The following EXOC4 variants were observed in gnomAD, a reference collection of about 807,000 sequenced individuals.
EXOC4 encodes SEC8-like 1.
EXOC4 carries 71 observed loss-of-function variants against 107.2 expected under a neutral mutation model. The ratio of observed to expected loss-of-function variants is 0.66; its 90% CI spans 0.55 to 0.81. The LOEUF is 0.81. EXOC4 is among the 30% of genes least tolerant of loss of function. The probability of loss-of-function intolerance (pLI) is 0.00; values close to 1 mark genes in which losing one functional copy is unlikely to be tolerated. For synonymous variants in EXOC4, 456 were observed against 441.2 expected, an observed-to-expected ratio of 1.03 and a Z score of -0.42; for missense variants, 1,108 against 1,189.6, an observed-to-expected ratio of 0.93 and a Z score of 1.01.
rs547801408 is a variant in EXOC4, at chr7:133,571,750, C to G, written c.1418-58295C>G. 3.3e-4 allele frequency among the ~76,000 whole-genome samples: 50 copies of G among 151,852 alleles called. No individual in the cohort carries two copies. In the Middle Eastern group the frequency reaches 0.017, roughly 52 times the overall value. Reference sequence around the variant, plus strand: ...GGAAAGTCTGAGACCAAGGTGCTGACAGGTTTGGCTGTTTGGCTGTCTGGT... The same window carrying G: ...GGAAAGTCTGAGACCAAGGTGCTGAGAGGTTTGGCTGTTTGGCTGTCTGGT... On this transcript the variant is annotated intron_variant, in intron 9 of 17. Transcript: ENST00000253861.
chr7:133,734,725 C>T (rs1196225484), intron 10 of EXOC4, among the ~76,000 whole-genome samples: 1 of 151,846 alleles, frequency 6.6e-6, no homozygotes, highest in East Asian at 1.9e-4. Flanking sequence ...TCTTGGATTT[C>T]TGGATTAGAT....
chr7:133,255,257 A>G (rs2150496962), intron 1 of EXOC4, among the ~76,000 whole-genome samples: 1 of 151,604 alleles, frequency 6.6e-6, no homozygotes, highest in African/African-American at 2.4e-5. Flanking sequence ...GCTCACTGCA[A>G]CCTCCGCCTC....
intron 10 of EXOC4, among the ~76,000 whole-genome samples, chr7:133,770,132 T>A (rs1585133007): frequency 1.3e-5 from 2 of 152,076 alleles, no homozygotes; most frequent in East Asian, 3.9e-4. Context: ...TCATAATCAT[T>A]TTATAATCAT....
chr7:134,048,177 A>G (rs1795699257), intron 17 of EXOC4, among the ~76,000 whole-genome samples: 1 of 152,208 alleles, frequency 6.6e-6, no homozygotes, highest in Admixed American at 6.5e-5. Flanking sequence ...TCTGCAAAGT[A>G]TCTTAAGCAC....
At position 133,545,936 on chromosome 7, in the gene EXOC4, C is replaced by T. The variant is rs11976669; in HGVS notation, c.1417+65798C>T. ...TTGGGGTTTCCAGTGCCTTGACATT[C>T]GGGTTACTATTTCCTGCTGCTTCAG... is the stretch of plus-strand genomic sequence containing the variant. On this transcript the variant is annotated intron_variant, in intron 9 of 17. Transcript: ENST00000253861. 2.8e-3 allele frequency among the ~76,000 whole-genome samples: 433 copies of T among 152,232 alleles called. 2 individuals carry two copies. The highest frequency in any genetic ancestry group is 9.2e-3 in the African/African-American group (382 of 41,558).
intron 7 of EXOC4, among the ~76,000 whole-genome samples, chr7:133,457,625 T>C (rs1212886057): frequency 6.6e-6 from 1 of 152,206 alleles, no homozygotes; most frequent in East Asian, 1.9e-4. Flanking sequence ...ACCTTTCTCC[T>C]TAGAGTTGGT....
intron 14 of EXOC4, among the ~76,000 whole-genome samples, chr7:133,961,280 C>CTTTTTTTTTTTTTTTT (rs34400471): frequency 1.3e-5 from 1 of 77,010 alleles, no homozygotes; most frequent in Non-Finnish European, 2.2e-5. Context: ...TCATGTCAAA[C>CTTTTTTTTTTTTTTTT]TTTTTTTTTT....
At chr7:134,080,409 G>A in the EXOC4 span, among the ~76,000 whole-genome samples, 3 of 135,780 alleles carry the variant, frequency 2.2e-5, no homozygotes, top group African/African-American at 6.5e-5. Context: ...ATATTAATAA[G>A]TTTGTTGTTG....
At chr7:133,857,128 A>G (rs1466016670) in intron 11 of EXOC4, among the ~76,000 whole-genome samples, 2 of 86,048 alleles carry the variant, frequency 2.3e-5, no homozygotes, top group African/African-American at 5.1e-5. Context: ...ATATATATGT[A>G]TATATATATA....
intron 11 of EXOC4, among the ~76,000 whole-genome samples, chr7:133,844,609 C>T (rs977288978): frequency 6.6e-6 from 1 of 151,744 alleles, no homozygotes; most frequent in Admixed American, 6.6e-5. Flanking sequence ...AGGATGGTCT[C>T]GATCTCTTGA....
intron 10 of EXOC4, among the ~76,000 whole-genome samples, chr7:133,771,736 C>T (rs541145367): frequency 2.8e-4 from 42 of 151,948 alleles, no homozygotes; most frequent in Non-Finnish European, 5.3e-4. Context: ...TTGAGATTGC[C>T]TCGGCAGAAG....
chr7:134,012,835 A>G (rs879586529), intron 17 of EXOC4, among the ~76,000 whole-genome samples: 2 of 152,206 alleles, frequency 1.3e-5, no homozygotes, highest in Non-Finnish European at 2.9e-5. Flanking sequence ...TTGAGGAGGC[A>G]GCCAACAGAA....
intron 10 of EXOC4, among the ~76,000 whole-genome samples, chr7:133,773,151 G>T (rs777073709): frequency 2.0e-5 from 3 of 151,920 alleles, no homozygotes; most frequent in Non-Finnish European, 4.4e-5. Flanking sequence ...CAGTGCCTTT[G>T]TGATTGAAAA....
chr7:133,539,528 T>C (rs1458607829), intron 9 of EXOC4, among the ~76,000 whole-genome samples: 1 of 151,934 alleles, frequency 6.6e-6, no homozygotes, highest in Non-Finnish European at 1.5e-5. Context: ...TTCTCTTCCA[T>C]GTTGATTTAA....
chr7:133,562,617 A>G (rs905637915), intron 9 of EXOC4, among the ~76,000 whole-genome samples: 12 of 152,212 alleles, frequency 7.9e-5, no homozygotes, highest in East Asian at 1.9e-4. Flanking sequence ...GGAAATTTGC[A>G]ATTAGTTTCA....
chr7:133,675,670 T>TA (rs1461366387), intron 10 of EXOC4, among the ~76,000 whole-genome samples: 2 of 152,210 alleles, frequency 1.3e-5, no homozygotes, highest in African/African-American at 4.8e-5. Flanking sequence ...GCAGACTACA[T>TA]ATCTGATGGC....
At chr7:133,396,900 A>C (rs761252004) in intron 7 of EXOC4, among the ~76,000 whole-genome samples, 14 of 152,308 alleles carry the variant, frequency 9.2e-5, no homozygotes, top group Admixed American at 3.9e-4. Context: ...ATACAAACCA[A>C]CCAAGATGCT....
chr7:133,823,502 C>G lies in EXOC4; in HGVS notation c.1734+5958C>G, dbSNP rs74823131. Among the ~76,000 whole-genome samples the G allele has an allele frequency of 2.7e-3, 404 of 151,946 alleles. 1 individual carries two copies. Among genetic ancestry groups the G allele is most frequent in the African/African-American group, 9.4e-3 (391 of 41,438 alleles). On this transcript the variant is annotated intron_variant, in intron 11 of 17. Transcript: ENST00000253861. ...ACTCCATCGTATCAGTTATTGCTGG[C>G]AGAGAGAGTACATCAAAAATTATTG...
At chr7:133,699,651 A>G (rs2151085666) in intron 10 of EXOC4, among the ~76,000 whole-genome samples, 1 of 152,278 alleles carries the variant, frequency 6.6e-6, no homozygotes, top group Middle Eastern at 3.4e-3. Flanking sequence ...GCAAACATGC[A>G]TGAGGGCCTG....
Sources: gnomAD v4.1 joint callset for allele counts (sites outside exome capture counted in the v4.1 genomes callset) on GRCh38, gnomAD v4.1.1 for gene constraint, MANE v1.5 for transcripts, NCBI Gene and HGNC (gene_info 2026-07-23, HGNC 2026-07-21) for gene names.